The following GREB1 variants were observed in gnomAD, a reference collection of about 807,000 sequenced individuals.
The protein encoded by GREB1 is protein GREB1.
In GREB1, 106 loss-of-function variants were observed where a neutral mutation model predicts 200.7. The observed-to-expected ratio is 0.53, with a 90% CI of 0.45 to 0.62. The LOEUF (loss-of-function observed/expected upper bound fraction) is 0.62, where lower values mean the gene tolerates loss of function less well. GREB1 is among the 20% of genes least tolerant of loss of function. The pLI, the probability that GREB1 is intolerant of heterozygous loss-of-function variation, is 0.00. For synonymous variants in GREB1, 1,132 were observed against 1,092.4 expected (o/e 1.04, Z -0.72); for missense variants, 2,243 against 2,556.8 (o/e 0.88, Z 2.65).
At chr2:11,485,620 T>C (rs1051219410) in intron 1 of GREB1, among the ~76,000 whole-genome samples, 6 of 152,206 alleles carry the variant, frequency 3.9e-5, no homozygotes, top group African/African-American at 1.4e-4. Flanking sequence ...TCACTTTCAA[T>C]AGGAGAGATT....
At chr2:11,551,112 A>AC (rs1196940360) in intron 1 of GREB1, among the ~76,000 whole-genome samples, 1 of 152,170 alleles carries the variant, frequency 6.6e-6, no homozygotes, top group African/African-American at 2.4e-5. Flanking sequence ...GCCACTTCAA[A>AC]CTGACCTGGG....
At position 11,618,961 on chromosome 2, in the gene GREB1, G is replaced by T. The variant is rs375408903; in HGVS notation, c.4044+42G>T. The T allele has an allele frequency of 7.0e-6, 10 of 1,437,762 alleles. No individual in the cohort carries two copies. The South Asian group carries it at 1.4e-4, about 21-fold the overall frequency. The allele number at this position is 1,437,762 out of a possible 1,614,324, so 89.1% of individuals were successfully genotyped here. On this transcript the variant is annotated intron_variant, in intron 22 of 32. Transcript: ENST00000381486. ...GCCCCAGCACAGCCCCGGACTGGGG[G>T]GGTCCTCACACTCCCATCTGGAGGG... is the stretch of plus-strand genomic sequence containing the variant.
intron 4 of GREB1, among the ~76,000 whole-genome samples, chr2:11,575,848 T>A (rs1678793695): frequency 6.6e-6 from 1 of 152,186 alleles, no homozygotes; most frequent in Non-Finnish European, 1.5e-5. Context: ...GACAGTGGAA[T>A]GGGATGGCTC....
At position 11,512,355 on chromosome 2, in the gene GREB1, T is replaced by A. The variant is rs111606843; in HGVS notation, c.-159+29974T>A. Among the ~76,000 whole-genome samples, 966 of 152,346 alleles carry A rather than the reference T, an allele frequency of 6.3e-3. 10 individuals are homozygous for A. Among genetic ancestry groups the A allele is most frequent in the African/African-American group, 0.022 (898 of 41,570 alleles). ...ATGAGGCTGAAGTAGAAAATTTTTT[T>A]AAAAAGCAGCTAAGTGCTTTCCTAT... On this transcript the variant is annotated intron_variant, in intron 1 of 2. Transcript: ENST00000628795.
At chr2:11,558,537 C>T (rs374412994) in intron 2 of GREB1, among the ~76,000 whole-genome samples, 3 of 152,154 alleles carry the variant, frequency 2.0e-5, no homozygotes, top group Non-Finnish European at 4.4e-5. Flanking sequence ...TATGATTTTC[C>T]CATTTGTCCG....
At chr2:11,498,345 A>G (rs1672944407) in intron 1 of GREB1, among the ~76,000 whole-genome samples, 1 of 152,164 alleles carries the variant, frequency 6.6e-6, no homozygotes, top group Non-Finnish European at 1.5e-5. Context: ...CAGTTGTTCC[A>G]GCACCATTTA....
chr2:11,509,019 C>A (rs567256683), intron 1 of GREB1, among the ~76,000 whole-genome samples: 10 of 151,552 alleles, frequency 6.6e-5, no homozygotes, highest in Non-Finnish European at 1.0e-4. Flanking sequence ...GGACTACAGG[C>A]GCCCGCCACC....
At chr2:11,519,678 C>A (rs2148469074) in intron 1 of GREB1, among the ~76,000 whole-genome samples, 1 of 151,862 alleles carries the variant, frequency 6.6e-6, no homozygotes, top group Middle Eastern at 3.4e-3. Context: ...CTGGTCTCGA[C>A]CTCTTGACCT....
chr2:11,521,535 A>G (rs748405530), intron 1 of GREB1, among the ~76,000 whole-genome samples: 3 of 152,218 alleles, frequency 2.0e-5, no homozygotes, highest in Non-Finnish European at 4.4e-5. Flanking sequence ...TTGCTTTTTA[A>G]CTTTGCAATT....
chr2:11,567,123 T>C (rs1224150446), intron 4 of GREB1, among the ~76,000 whole-genome samples: 5 of 152,128 alleles, frequency 3.3e-5, no homozygotes, highest in Admixed American at 3.3e-4. Flanking sequence ...GTTTGCTTGT[T>C]TGTTTGTTTA....
At chr2:11,566,371 G>A (rs1677652844) in intron 3 of GREB1, 109 bp from the exon 4 acceptor site, 2 of 1,050,878 alleles carry the variant, frequency 1.9e-6, no homozygotes, top group African/African-American at 1.6e-5. Context: ...AGCACACCCA[G>A]GGGTAAGGGT....
intron 1 of GREB1, among the ~76,000 whole-genome samples, chr2:11,535,087 T>G (rs1227801505): frequency 6.6e-6 from 1 of 152,166 alleles, no homozygotes; most frequent in Admixed American, 6.5e-5. Flanking sequence ...TCCTGGGAGA[T>G]CTGCATGTGG....
chr2:11,637,817 G>T lies in GREB1; in HGVS notation c.5448G>T (p.Lys1816Asn). 1 of 1,614,186 alleles carries T rather than the reference G, an allele frequency of 6.2e-7. No individual in the cohort carries two copies. Among genetic ancestry groups the T allele is most frequent in the Non-Finnish European group, 8.5e-7 (1 of 1,180,018 alleles). The change falls in exon 31 of 33, where the codon AAG (lysine) becomes AAT (asparagine). Residue 1816 changes from lysine to asparagine, a missense_variant. By Grantham distance (94) the Lys-to-Asn change is moderately conservative. Around this residue, in one of 3 missense-constraint regions of GREB1, gnomAD observed 478 missense variants for 616.3 expected, o/e 0.78. Coordinates refer to ENST00000381486, the MANE Select transcript of GREB1 (RefSeq NM_014668.4). ...LAAPAQLLLE[K>N]FLQHHSHLFF... ...CGCCCGCCCAGCTCCTGCTGGAGAAGTTCCTGCAGCACCACAGCCACCTCT... is the reference window on the plus strand; with the variant it reads ...CGCCCGCCCAGCTCCTGCTGGAGAATTTCCTGCAGCACCACAGCCACCTCT...
chr2:11,550,573 C>T (rs966455373), intron 1 of GREB1, among the ~76,000 whole-genome samples: 1 of 152,198 alleles, frequency 6.6e-6, no homozygotes, highest in Non-Finnish European at 1.5e-5. Flanking sequence ...TCCCACTCTT[C>T]AGCCCTACTT....
At position 11,482,904 on chromosome 2, in the gene GREB1, T is replaced by C. The variant is rs1361960494; in HGVS notation, c.-159+523T>C. 9.3e-5 allele frequency among the ~76,000 whole-genome samples: 14 copies of C among 151,294 alleles called. No individual in the cohort carries two copies. The East Asian group carries it at 2.8e-3, about 30-fold the overall frequency. On this transcript the variant is annotated intron_variant, in intron 1 of 2. Coordinates refer to the GREB1 transcript ENST00000628795. ...GCTCAGCCTGTAGGCTGGGCTAGCC[T>C]CCGTCGGCGGCGGGCGCTCAGGAGC...
chr2:11,515,840 C>A (rs933096491), intron 1 of GREB1, among the ~76,000 whole-genome samples: 1 of 152,218 alleles, frequency 6.6e-6, no homozygotes, highest in African/African-American at 2.4e-5. Flanking sequence ...ACACTTCAGA[C>A]TCCTAGGGGT....
intron 1 of GREB1, among the ~76,000 whole-genome samples, chr2:11,540,318 G>A (rs1389102697): frequency 6.6e-6 from 1 of 152,198 alleles, no homozygotes; most frequent in Non-Finnish European, 1.5e-5. Flanking sequence ...TATCCAAAGG[G>A]ATTGCAGATA....
chr2:11,614,729 C>A (rs1423614455), intron 19 of GREB1, among the ~76,000 whole-genome samples: 2 of 151,964 alleles, frequency 1.3e-5, no homozygotes, highest in East Asian at 1.9e-4. Flanking sequence ...ACGCCTGGCT[C>A]ATTTTTTGTA....
Position 11,640,643 on chromosome 2 carries a change from G to T in GREB1, c.*189G>T, listed in dbSNP as rs1685753284. 4 of 607,114 alleles carry T rather than the reference G, an allele frequency of 6.6e-6. No individual in the cohort carries two copies. Among genetic ancestry groups the T allele is most frequent in the Non-Finnish European group, 1.1e-5 (4 of 356,508 alleles). 37.6% of individuals were successfully genotyped at this position (607,114 alleles called of 1,614,324 possible). ...TGGGAGCCAGGAAGACTCCGCAGTG[G>T]GTGAGAATGAAAACTTGAGACTCCC... is the stretch of plus-strand genomic sequence containing the variant. On this transcript the variant is annotated 3_prime_UTR_variant, in exon 33 of 33. Coordinates refer to ENST00000381486, the MANE Select transcript of GREB1 (RefSeq NM_014668.4). The surrounding 1 kb of genome is among the most constrained non-coding windows in gnomAD (Gnocchi z 4.6).
Sources: gnomAD v4.1 joint callset for allele counts (sites outside exome capture counted in the v4.1 genomes callset) on GRCh38, gnomAD v4.1.1 for gene constraint, gnomAD v4.1.1 regional missense constraint, Gnocchi (gnomAD v3.1) non-coding constraint, MANE v1.5 for transcripts, NCBI Gene and HGNC (gene_info 2026-07-23, HGNC 2026-07-21) for gene names.